The following RAD51B variants were observed in gnomAD, a reference collection of about 807,000 sequenced individuals.
The protein encoded by RAD51B is DNA repair protein RAD51 homolog 2.
A neutral mutation model predicts 42.2 loss-of-function variants in RAD51B; 38 were observed. The observed-to-expected ratio is 0.90, with a 90% CI of 0.70 to 1.18. RAD51B has a LOEUF of 1.18. Ranked by LOEUF, RAD51B falls within the 50% of genes most tolerant of loss-of-function variation. RAD51B has a pLI of 0.00. For synonymous variants in RAD51B, 154 were observed against 145.2 expected, an observed-to-expected ratio of 1.06 and a Z score of -0.43; for missense variants, 373 against 400.7, an observed-to-expected ratio of 0.93 and a Z score of 0.59.
intron 7 of RAD51B, among the ~76,000 whole-genome samples, chr14:67,964,009 T>G (rs951521249): frequency 3.3e-5 from 5 of 152,004 alleles, no homozygotes; most frequent in Non-Finnish European, 7.4e-5. Context: ...TACAGCCAAC[T>G]GAAATGAATG....
At chr14:68,080,586 C>A (rs1214552817) in intron 7 of RAD51B, among the ~76,000 whole-genome samples, 1 of 152,132 alleles carries the variant, frequency 6.6e-6, no homozygotes, top group African/African-American at 2.4e-5. Context: ...TTTCTGAAAG[C>A]CTCACTTTGG....
intron 9 of RAD51B, among the ~76,000 whole-genome samples, chr14:68,458,217 A>G (rs949086848): frequency 5.3e-5 from 8 of 152,304 alleles, no homozygotes; most frequent in Non-Finnish European, 1.2e-4. Flanking sequence ...CCCAGGCTGG[A>G]GAGCTAATCA....
At chr14:68,415,419 A>G (rs2084531393) in intron 9 of RAD51B, among the ~76,000 whole-genome samples, 1 of 152,192 alleles carries the variant, frequency 6.6e-6, no homozygotes. Context: ...CCTTTATTTA[A>G]TCACCTCTTC....
intron 11 of RAD51B, among the ~76,000 whole-genome samples, chr14:68,677,408 C>T (rs1199225739): frequency 6.6e-6 from 1 of 152,194 alleles, no homozygotes; most frequent in Non-Finnish European, 1.5e-5. Flanking sequence ...TTCATACGTG[C>T]TCCCTCCAGT....
chr14:68,292,532 A>G (rs2081536502), intron 8 of RAD51B, among the ~76,000 whole-genome samples: 1 of 152,190 alleles, frequency 6.6e-6, no homozygotes, highest in Non-Finnish European at 1.5e-5. Flanking sequence ...TGGGGAAATA[A>G]CACCAATAAA....
At chr14:68,271,861 C>T (rs1352961900) in intron 7 of RAD51B, among the ~76,000 whole-genome samples, 1 of 152,150 alleles carries the variant, frequency 6.6e-6, no homozygotes, top group African/African-American at 2.4e-5. Flanking sequence ...TAAATGGTGG[C>T]CTTGACAATA....
chr14:68,675,325 C>T (rs1043903186), intron 11 of RAD51B, among the ~76,000 whole-genome samples: 5 of 152,164 alleles, frequency 3.3e-5, no homozygotes, highest in African/African-American at 1.2e-4. Flanking sequence ...TTATCTGGCA[C>T]AGATCCAACA....
At chr14:68,576,076 T>C (rs1204636877) in intron 10 of RAD51B, among the ~76,000 whole-genome samples, 1 of 151,838 alleles carries the variant, frequency 6.6e-6, no homozygotes, top group Non-Finnish European at 1.5e-5. Context: ...AGCATAGAGG[T>C]GGCCACCTGG....
intron 7 of RAD51B, among the ~76,000 whole-genome samples, chr14:68,287,478 A>G (rs1161318879): frequency 6.6e-6 from 1 of 152,214 alleles, no homozygotes; most frequent in Non-Finnish European, 1.5e-5. Context: ...GAAGCTGATT[A>G]AGTTGGATTC....
chr14:68,649,592 A>C lies in RAD51B; in HGVS notation c.1037-1189A>C, dbSNP rs138913165. Among the ~76,000 whole-genome samples, 218 of 152,200 alleles carry C rather than the reference A, an allele frequency of 1.4e-3. 1 individual carries two copies. The highest frequency in any genetic ancestry group is 4.8e-3 in the African/African-American group (200 of 41,524). On this transcript the variant is annotated intron_variant, in intron 10 of 11. Coordinates refer to the RAD51B transcript ENST00000488612. ...TGAAATGATGTATTTATCTTACTTAACCTTAGCTTTTTGTGCCAAGCCACA... is the reference window on the plus strand; with the variant it reads ...TGAAATGATGTATTTATCTTACTTACCCTTAGCTTTTTGTGCCAAGCCACA...
At chr14:68,093,599 T>C (rs140391763) in intron 7 of RAD51B, among the ~76,000 whole-genome samples, 109 of 152,300 alleles carry the variant, frequency 7.2e-4, no homozygotes, top group African/African-American at 2.4e-3. Context: ...TTTTTCTTCT[T>C]TATTAGTCTT....
intron 8 of RAD51B, among the ~76,000 whole-genome samples, chr14:68,317,429 A>G (rs1231148891): frequency 2.6e-5 from 4 of 152,180 alleles, no homozygotes. Flanking sequence ...AAATTTCAGT[A>G]TGATGTCATA....
intron 9 of RAD51B, among the ~76,000 whole-genome samples, chr14:68,456,763 C>G (rs2085697380): frequency 6.7e-6 from 1 of 149,838 alleles, no homozygotes; most frequent in Admixed American, 6.7e-5. Flanking sequence ...ACACTCTAAA[C>G]AACAGCAGAT....
At chr14:67,883,127 A>G (rs8009358) in intron 5 of RAD51B, among the ~76,000 whole-genome samples, 57,550 of 151,858 alleles carry the variant, frequency 0.38, 11,514 homozygotes, top group Middle Eastern at 0.49. Flanking sequence ...TCCCTGGGTG[A>G]GGTCACTACC....
intron 6 of RAD51B, chr14:67,886,556 C>G (rs2043067069): frequency 4.5e-6 from 1 of 224,446 alleles, no homozygotes; most frequent in African/African-American, 2.2e-5. Flanking sequence ...AGTAAGTGAC[C>G]TGAGAGACTG....
At chr14:68,216,861 G>A (rs370552570) in intron 7 of RAD51B, among the ~76,000 whole-genome samples, 6 of 152,160 alleles carry the variant, frequency 3.9e-5, no homozygotes, top group Middle Eastern at 6.8e-3. Context: ...ATCCCTGTCC[G>A]ACCCCCCTCT....
intron 10 of RAD51B, among the ~76,000 whole-genome samples, chr14:68,550,052 G>A (rs1225053903): frequency 6.6e-6 from 1 of 152,210 alleles, no homozygotes; most frequent in Non-Finnish European, 1.5e-5. Flanking sequence ...CTCTGAGGGA[G>A]CAACATGGAG....
chr14:68,269,345 A>T (rs1168682653), intron 7 of RAD51B, among the ~76,000 whole-genome samples: 1 of 152,118 alleles, frequency 6.6e-6, no homozygotes, highest in African/African-American at 2.4e-5. Flanking sequence ...GCACTGCCTG[A>T]CTCAGCCCTG....
chr14:68,551,109 C>CT (rs1184796323), intron 10 of RAD51B, among the ~76,000 whole-genome samples: 2 of 152,160 alleles, frequency 1.3e-5, no homozygotes, highest in Non-Finnish European at 2.9e-5. Flanking sequence ...TTCCGGAGGC[C>CT]TGGCAAAGCA....
Sources: gnomAD v4.1 joint callset for allele counts (sites outside exome capture counted in the v4.1 genomes callset) on GRCh38, gnomAD v4.1.1 for gene constraint, MANE v1.5 for transcripts, NCBI Gene and HGNC (gene_info 2026-07-23, HGNC 2026-07-21) for gene names.